Variants in TENM2 observed in about 807,000 individuals in gnomAD.
TENM2 encodes the protein teneurin-2.
TENM2 carries 52 observed loss-of-function variants against 245.2 expected under a neutral mutation model. That is an observed-to-expected ratio of 0.21 (90% CI 0.17 to 0.27). The LOEUF (loss-of-function observed/expected upper bound fraction) is 0.27. TENM2 is among the 10% of genes least tolerant of loss of function. TENM2 has a pLI of 1.00. For synonymous variants in TENM2, 1,363 were observed against 1,438.9 expected (o/e 0.95, Z 1.19); for missense variants, 3,046 against 3,666.8 (o/e 0.83, Z 4.37).
chr5:167,080,812 T>C, the TENM2 span, among the ~76,000 whole-genome samples: 4,039 of 152,196 alleles, frequency 0.027, 79 homozygotes, highest in South Asian at 0.09. Context: ...TTCCATATTG[T>C]TTTTAAAAGA....
At chr5:168,132,444 A>G (rs886855377) in intron 12 of TENM2, among the ~76,000 whole-genome samples, 3 of 152,202 alleles carry the variant, frequency 2.0e-5, no homozygotes, top group African/African-American at 7.2e-5. Context: ...CCATCAAAAA[A>G]GAAAAGAGGA....
At chr5:167,717,203 A>G (rs536172360) in intron 2 of TENM2, among the ~76,000 whole-genome samples, 1 of 152,138 alleles carries the variant, frequency 6.6e-6, no homozygotes, top group South Asian at 2.1e-4. Flanking sequence ...TGATCTGCCC[A>G]CCTCAGCCTC....
the TENM2 span, among the ~76,000 whole-genome samples, chr5:167,052,725 A>C: frequency 6.6e-6 from 1 of 151,976 alleles, no homozygotes; most frequent in African/African-American, 2.4e-5. Context: ...AATATAGACG[A>C]TATATGTAAA....
At chr5:167,288,284 G>A (rs1422154413) in intron 1 of TENM2, among the ~76,000 whole-genome samples, 2 of 152,102 alleles carry the variant, frequency 1.3e-5, no homozygotes, top group Non-Finnish European at 1.5e-5. Context: ...GAACAGGCGG[G>A]CGCGGTGGCT....
At chr5:167,346,460 A>G (rs1758462788) in intron 1 of TENM2, among the ~76,000 whole-genome samples, 1 of 152,246 alleles carries the variant, frequency 6.6e-6, no homozygotes. Context: ...TTTTAAATGT[A>G]CAAATGTTTT....
intron 2 of TENM2, among the ~76,000 whole-genome samples, chr5:167,521,181 A>T (rs1770730543): frequency 1.3e-5 from 2 of 152,066 alleles, no homozygotes; most frequent in South Asian, 4.1e-4. Flanking sequence ...AACATTCAGG[A>T]TATTTATAGC....
At chr5:167,499,982 G>A (rs980810225) in intron 2 of TENM2, among the ~76,000 whole-genome samples, 1 of 148,528 alleles carries the variant, frequency 6.7e-6, no homozygotes, top group Admixed American at 6.8e-5. Flanking sequence ...GTGTGTGTGT[G>A]TATGTGTATG....
At chr5:167,661,904 A>C (rs1262023270) in intron 2 of TENM2, among the ~76,000 whole-genome samples, 2 of 152,152 alleles carry the variant, frequency 1.3e-5, no homozygotes, top group Non-Finnish European at 2.9e-5. Context: ...TAGAAAAAGC[A>C]TTCACCTTCT....
intron 2 of TENM2, among the ~76,000 whole-genome samples, chr5:167,495,304 A>G (rs778084157): frequency 1.3e-5 from 2 of 151,820 alleles, no homozygotes; most frequent in Non-Finnish European, 2.9e-5. Flanking sequence ...CATGGACACA[A>G]ATTTGGCAAC....
At chr5:167,873,315 A>G (rs1424867994) in intron 2 of TENM2, among the ~76,000 whole-genome samples, 1 of 152,256 alleles carries the variant, frequency 6.6e-6, no homozygotes, top group Admixed American at 6.5e-5. Flanking sequence ...ATGGGAACGC[A>G]GAAACGTGAT....
intron 3 of TENM2, among the ~76,000 whole-genome samples, chr5:167,901,884 T>C (rs1775733689): frequency 6.6e-6 from 1 of 152,178 alleles, no homozygotes; most frequent in Non-Finnish European, 1.5e-5. Context: ...ATAATAAAAT[T>C]GTAGAGGTAG....
chr5:166,981,127 C>A, the TENM2 span, among the ~76,000 whole-genome samples: 1 of 152,190 alleles, frequency 6.6e-6, no homozygotes, highest in African/African-American at 2.4e-5. Context: ...CATGCAAATT[C>A]ACCTGTTCTG....
chr5:167,946,456 A>G (rs766659271), intron 3 of TENM2, among the ~76,000 whole-genome samples: 2 of 152,060 alleles, frequency 1.3e-5, no homozygotes, highest in Non-Finnish European at 2.9e-5. Flanking sequence ...GTTCTGGCCT[A>G]TTTCTCCTGA....
At chr5:168,172,379 G>A (rs1758924239) in intron 13 of TENM2, among the ~76,000 whole-genome samples, 1 of 152,200 alleles carries the variant, frequency 6.6e-6, no homozygotes, top group South Asian at 2.1e-4. Context: ...CTTACTAAGG[G>A]CCAGGCCCTT....
chr5:167,957,055 T>C (rs1304938977), intron 4 of TENM2, among the ~76,000 whole-genome samples: 1 of 152,128 alleles, frequency 6.6e-6, no homozygotes, highest in South Asian at 2.1e-4. Flanking sequence ...TGGTACCAGC[T>C]CCTTTTTGTA....
chr5:168,203,533 A>G (rs1478709869), intron 17 of TENM2, among the ~76,000 whole-genome samples, 156 bp from the exon 20 acceptor site: 1 of 152,256 alleles, frequency 6.6e-6, no homozygotes, highest in Non-Finnish European at 1.5e-5. Flanking sequence ...TAGCATCACA[A>G]GGAGAAAAGC....
At chr5:167,173,260 C>T in the TENM2 span, among the ~76,000 whole-genome samples, 3 of 152,224 alleles carry the variant, frequency 2.0e-5, no homozygotes, top group African/African-American at 4.8e-5. Flanking sequence ...AATTTCCTTA[C>T]TTACTGTGTT....
At chr5:167,641,050 G>A (rs577880456) in intron 2 of TENM2, among the ~76,000 whole-genome samples, 21 of 150,820 alleles carry the variant, frequency 1.4e-4, no homozygotes, top group Admixed American at 9.3e-4. Flanking sequence ...TAAACAATCC[G>A]TGTTTTATCA....
At chr5:167,774,169 G>A (rs998980773) in intron 2 of TENM2, among the ~76,000 whole-genome samples, 1 of 134,646 alleles carries the variant, frequency 7.4e-6, no homozygotes, top group Non-Finnish European at 1.6e-5. Flanking sequence ...AGGGAGGAAG[G>A]AAGGAAGGAA....
Sources: gnomAD v4.1 joint callset for allele counts (sites outside exome capture counted in the v4.1 genomes callset) on GRCh38, gnomAD v4.1.1 for gene constraint, MANE v1.5 for transcripts, NCBI Gene and HGNC (gene_info 2026-07-23, HGNC 2026-07-21) for gene names.